The following COX7B2 variants were observed in gnomAD, a reference collection of about 807,000 sequenced individuals.
The protein encoded by COX7B2 is cytochrome c oxidase subunit 7B2, mitochondrial.
For synonymous variants in COX7B2, 37 were observed against 32.1 expected, an observed-to-expected ratio of 1.15 and a Z score of -0.51; for missense variants, 109 against 95.9, an observed-to-expected ratio of 1.14 and a Z score of -0.57.
chr4:46,882,743 T>A (rs1297048144), intron 1 of COX7B2, among the ~76,000 whole-genome samples: 3 of 152,200 alleles, frequency 2.0e-5, no homozygotes, highest in Admixed American at 6.5e-5. Context: ...CCAAATTTTT[T>A]AACAACTACA....
chr4:46,754,750 G>A (rs1452111809), intron 2 of COX7B2, among the ~76,000 whole-genome samples: 15 of 28,420 alleles, frequency 5.3e-4, no homozygotes, highest in African/African-American at 6.7e-4. Flanking sequence ...ATATATATAT[G>A]AAAGAAATCC....
chr4:46,795,313 T>C (rs1419988807), intron 2 of COX7B2, among the ~76,000 whole-genome samples: 3 of 87,890 alleles, frequency 3.4e-5, no homozygotes, highest in African/African-American at 1.6e-4. Flanking sequence ...GGTTTTCTTC[T>C]AGGGTTTTTA....
At chr4:46,905,375 A>T (rs576177370) in intron 1 of COX7B2, among the ~76,000 whole-genome samples, 3 of 152,332 alleles carry the variant, frequency 2.0e-5, no homozygotes, top group African/African-American at 7.2e-5. Flanking sequence ...TAAAAGAGTT[A>T]TCCCAAAGCA....
At chr4:46,888,882 A>T (rs961599214) in intron 1 of COX7B2, among the ~76,000 whole-genome samples, 1 of 152,184 alleles carries the variant, frequency 6.6e-6, no homozygotes, top group African/African-American at 2.4e-5. Context: ...ACACGCACCA[A>T]CAGATATCTT....
At chr4:46,856,659 A>G (rs962526372) in intron 1 of COX7B2, among the ~76,000 whole-genome samples, 4 of 152,162 alleles carry the variant, frequency 2.6e-5, no homozygotes, top group African/African-American at 7.2e-5. Flanking sequence ...TTCATCCTAG[A>G]AAGCACCTTT....
intron 2 of COX7B2, among the ~76,000 whole-genome samples, chr4:46,736,807 T>G (rs1316863410): frequency 6.6e-6 from 1 of 152,186 alleles, no homozygotes; most frequent in Non-Finnish European, 1.5e-5. Flanking sequence ...TTTTTAGTGC[T>G]AATTAATATT....
chr4:46,738,615 A>C (rs115392886), intron 2 of COX7B2, among the ~76,000 whole-genome samples: 1,717 of 152,202 alleles, frequency 0.011, 20 homozygotes, highest in Middle Eastern at 0.037. Context: ...CATATTACAT[A>C]CCTCTACAAT....
chr4:46,759,704 T>G (rs1359262793), intron 2 of COX7B2, among the ~76,000 whole-genome samples: 3 of 151,934 alleles, frequency 2.0e-5, no homozygotes, highest in Non-Finnish European at 4.4e-5. Context: ...CAACATATGC[T>G]GGAGAGGATG....
rs368877972 is a variant in COX7B2 at position 46,755,558 on chromosome 4, T to C, written c.-49-20317A>G. The stretch of plus-strand genomic sequence containing the variant: ...TTTATTGATCACATGATAATATATC[T>C]AGAAAATCCTAATGACTCCACCAAA... On this transcript the variant is annotated intron_variant, in intron 2 of 2. Coordinates refer to ENST00000355591, the MANE Select transcript of COX7B2 (RefSeq NM_130902.3). Among the ~76,000 whole-genome samples the C allele has an allele frequency of 1.4e-4, 22 of 152,220 alleles. No homozygotes were observed. In the South Asian group the frequency reaches 3.7e-3, roughly 26 times the overall value.
chr4:46,877,116 A>G (rs1364598261), intron 1 of COX7B2, among the ~76,000 whole-genome samples: 1 of 152,218 alleles, frequency 6.6e-6, no homozygotes, highest in Non-Finnish European at 1.5e-5. Context: ...TAAATACAAA[A>G]TAGACATGAA....
At chr4:46,817,190 G>C (rs1719599113) in intron 2 of COX7B2, among the ~76,000 whole-genome samples, 1 of 152,198 alleles carries the variant, frequency 6.6e-6, no homozygotes, top group Non-Finnish European at 1.5e-5. Context: ...TGGTTGAACT[G>C]TGTATGCATG....
At chr4:46,773,446 G>GC (rs1042021802) in intron 2 of COX7B2, among the ~76,000 whole-genome samples, 4 of 151,914 alleles carry the variant, frequency 2.6e-5, no homozygotes, top group Admixed American at 1.3e-4. Flanking sequence ...ACTTTCTGAG[G>GC]CCCCCCCAGT....
chr4:46,895,224 C>T (rs1467153748), intron 1 of COX7B2, among the ~76,000 whole-genome samples: 1 of 152,148 alleles, frequency 6.6e-6, no homozygotes, highest in Non-Finnish European at 1.5e-5. Flanking sequence ...ATAGCAAAAA[C>T]ATAGAACTAA....
At chr4:46,739,202 A>G (rs1342700005) in intron 2 of COX7B2, among the ~76,000 whole-genome samples, 3 of 152,102 alleles carry the variant, frequency 2.0e-5, no homozygotes, top group Non-Finnish European at 4.4e-5. Flanking sequence ...ACCTTGTTTT[A>G]CACCTAAGAA....
intron 2 of COX7B2, among the ~76,000 whole-genome samples, chr4:46,842,030 G>C (rs548025104): frequency 2.0e-5 from 3 of 152,020 alleles, no homozygotes; most frequent in Admixed American, 6.6e-5. Flanking sequence ...GGATGCAACA[G>C]TTTCTAAAAT....
chr4:46,753,328 C>T (rs1036248986), intron 2 of COX7B2, among the ~76,000 whole-genome samples: 5 of 151,946 alleles, frequency 3.3e-5, no homozygotes, highest in Non-Finnish European at 7.4e-5. Context: ...ATTAGTCTTG[C>T]TAGTGGTCTA....
intron 1 of COX7B2, among the ~76,000 whole-genome samples, chr4:46,892,196 T>G (rs951036474): frequency 6.6e-6 from 1 of 152,144 alleles, no homozygotes; most frequent in Admixed American, 6.6e-5. Flanking sequence ...CCGGGGCCAC[T>G]GGTACCACTG....
chr4:46,783,550 G>T (rs1717594301), intron 2 of COX7B2, among the ~76,000 whole-genome samples: 1 of 152,060 alleles, frequency 6.6e-6, no homozygotes, highest in Admixed American at 6.5e-5. Flanking sequence ...AATAAACCCT[G>T]GCTTTACTAA....
At chr4:46,870,707 C>T (rs144443622) in intron 1 of COX7B2, among the ~76,000 whole-genome samples, 7 of 152,046 alleles carry the variant, frequency 4.6e-5, no homozygotes, top group African/African-American at 1.7e-4. Context: ...ACCAAGCCAA[C>T]AACCAAATAA....
Sources: gnomAD v4.1 joint callset for allele counts (sites outside exome capture counted in the v4.1 genomes callset) on GRCh38, gnomAD v4.1.1 for gene constraint, MANE v1.5 for transcripts, NCBI Gene and HGNC (gene_info 2026-07-23, HGNC 2026-07-21) for gene names.